MCPH1: variants seen among roughly 807,000 people sequenced by gnomAD.
The protein encoded by MCPH1 is microcephalin 1.
In MCPH1, 104 loss-of-function variants were observed where a neutral mutation model predicts 84.5. The observed-to-expected ratio is 1.23, with a 90% CI of 1.05 to 1.45. The LOEUF (loss-of-function observed/expected upper bound fraction) is 1.45, where lower values mean the gene tolerates loss of function less well. Ranked by LOEUF, MCPH1 falls within the 40% of genes most tolerant of loss-of-function variation. The pLI is 0.00. For synonymous variants in MCPH1, 514 were observed against 366.8 expected (o/e 1.40, Z -4.58); for missense variants, 1,498 against 1,005.7 (o/e 1.49, Z -6.62).
intron 3 of MCPH1, among the ~76,000 whole-genome samples, chr8:6,425,822 C>G (rs983879077): frequency 2.6e-5 from 4 of 152,182 alleles, no homozygotes. Context: ...TGTGAGGCTT[C>G]TCATGAGCTG....
intron 12 of MCPH1, among the ~76,000 whole-genome samples, chr8:6,554,048 T>A (rs1465380010): frequency 6.6e-6 from 1 of 151,250 alleles, no homozygotes; most frequent in South Asian, 2.1e-4. Flanking sequence ...GCCGGAACAG[T>A]CATAATGAAG....
intron 9 of MCPH1, among the ~76,000 whole-genome samples, chr8:6,458,397 G>A (rs994525334): frequency 2.6e-5 from 4 of 151,468 alleles, no homozygotes; most frequent in South Asian, 2.1e-4. Context: ...GCATGAACCC[G>A]GGAGGCGGAG....
chr8:6,500,768 G>C (rs552362193), intron 12 of MCPH1: 1 of 152,334 alleles, frequency 6.6e-6, no homozygotes, highest in South Asian at 2.1e-4. Flanking sequence ...TACCGTGTAA[G>C]GAATTGAAGT....
chr8:6,540,576 GT>G, intron 12 of MCPH1, among the ~76,000 whole-genome samples: 1 of 152,192 alleles, frequency 6.6e-6, no homozygotes, highest in Admixed American at 6.5e-5. Flanking sequence ...AGCAAATACA[GT>G]GCAACAGACG....
intron 2 of MCPH1, among the ~76,000 whole-genome samples, chr8:6,410,544 T>G (rs1315544806): frequency 6.6e-6 from 1 of 152,198 alleles, no homozygotes; most frequent in African/African-American, 2.4e-5. Context: ...CACGTACTGC[T>G]TGTGTTCAGG....
chr8:6,605,569 C>A (rs1295929894), intron 12 of MCPH1, among the ~76,000 whole-genome samples: 1 of 152,216 alleles, frequency 6.6e-6, no homozygotes, highest in African/African-American at 2.4e-5. Context: ...AGTAGCCAGA[C>A]CACATAGTAG....
At chr8:6,551,457 A>G (rs1186716069) in intron 12 of MCPH1, among the ~76,000 whole-genome samples, 1 of 152,236 alleles carries the variant, frequency 6.6e-6, no homozygotes, top group Non-Finnish European at 1.5e-5. Context: ...TGTGTTTGTT[A>G]TTACCCAGAA....
At chr8:6,493,068 G>C (rs1225870276) in intron 11 of MCPH1, among the ~76,000 whole-genome samples, 2 of 152,118 alleles carry the variant, frequency 1.3e-5, no homozygotes, top group Non-Finnish European at 2.9e-5. Context: ...TGATGTTTCT[G>C]CTGTTTATTT....
rs1395500879 is a variant in MCPH1, at chr8:6,624,903, C to T, written c.2452+3212C>T. 5.3e-6 allele frequency: 5 copies of T among 951,058 alleles called. No individual in the cohort carries two copies. The African/African-American group carries it at 9.1e-5, about 17-fold the overall frequency. The allele number at this position is 951,058 out of a possible 1,614,324, so 58.9% of individuals were successfully genotyped here. ...TTTTTTTTTTTTTCTGAGATGGAGT[C>T]TCGCTGTGTCACCAGGCTGGAGTGT... On this transcript the variant is annotated intron_variant, in intron 13 of 13. Coordinates refer to ENST00000344683, the MANE Select transcript of MCPH1 (RefSeq NM_024596.5).
chr8:6,469,391 C>T (rs2916730), intron 9 of MCPH1, among the ~76,000 whole-genome samples: 1,584 of 152,242 alleles, frequency 0.01, 8 homozygotes, highest in African/African-American at 0.012. Flanking sequence ...GTGCTTTACA[C>T]GATGTAGCTG....
intron 12 of MCPH1, among the ~76,000 whole-genome samples, chr8:6,506,572 CA>C (rs749427852): frequency 6.6e-6 from 1 of 152,170 alleles, no homozygotes; most frequent in Non-Finnish European, 1.5e-5. Context: ...AGACAGGAAA[CA>C]AAGTCCTAGG....
intron 9 of MCPH1, among the ~76,000 whole-genome samples, chr8:6,466,409 G>A (rs1003676167): frequency 6.6e-6 from 1 of 151,782 alleles, no homozygotes; most frequent in Non-Finnish European, 1.5e-5. Flanking sequence ...CTGGGTTCAA[G>A]TGATTCTCCT....
chr8:6,570,645 G>A (rs1826577096), intron 12 of MCPH1, among the ~76,000 whole-genome samples: 1 of 152,184 alleles, frequency 6.6e-6, no homozygotes, highest in Non-Finnish European at 1.5e-5. Context: ...AAGGATCACA[G>A]TTAATAGGAG....
intron 12 of MCPH1, among the ~76,000 whole-genome samples, chr8:6,541,741 C>T (rs1821616217): frequency 6.6e-6 from 1 of 152,180 alleles, no homozygotes; most frequent in South Asian, 2.1e-4. Context: ...TAGTGGCTCA[C>T]TCCTGTAATC....
intron 9 of MCPH1, among the ~76,000 whole-genome samples, chr8:6,456,478 A>G (rs1321519896): frequency 1.3e-5 from 2 of 152,082 alleles, no homozygotes; most frequent in Non-Finnish European, 2.9e-5. Context: ...GAAATAAAGA[A>G]CCAGTTTCCT....
chr8:6,510,575 A>T (rs759750892), intron 12 of MCPH1, among the ~76,000 whole-genome samples: 7 of 152,238 alleles, frequency 4.6e-5, no homozygotes, highest in Non-Finnish European at 1.0e-4. Context: ...AACCACCTGC[A>T]GTGGTGGCCG....
chr8:6,455,287 A>G (rs775573440), intron 9 of MCPH1, 35 bp downstream of exon 9: 3 of 1,334,696 alleles, frequency 2.2e-6, no homozygotes, highest in Non-Finnish European at 3.2e-6. Flanking sequence ...AAACTTTCAA[A>G]TGCTGATACA....
At chr8:6,514,642 A>G in intron 12 of MCPH1, 2 of 1,580,278 alleles carry the variant, frequency 1.3e-6, no homozygotes, top group Non-Finnish European at 1.7e-6. Context: ...TTCACAAGGG[A>G]AATTCTTTTC....
intron 13 of MCPH1, among the ~76,000 whole-genome samples, chr8:6,630,930 A>C (rs921864147): frequency 6.6e-6 from 1 of 152,256 alleles, no homozygotes; most frequent in Non-Finnish European, 1.5e-5. Context: ...GAATGGTAGC[A>C]AAATGACAGA....
Sources: allele counts gnomAD v4.1 joint callset (sites outside exome capture counted in the v4.1 genomes callset), GRCh38; gene constraint gnomAD v4.1.1; transcripts MANE v1.5; gene names NCBI Gene and HGNC (gene_info 2026-07-23, HGNC 2026-07-21).